The following RB1 variants were observed in gnomAD, a reference collection of about 807,000 sequenced individuals.
RB1 encodes RB transcriptional corepressor 1.
A neutral mutation model predicts 135.4 loss-of-function variants in RB1; 18 were observed. The ratio of observed to expected loss-of-function variants is 0.13; its 90% CI spans 0.09 to 0.20. RB1 has a LOEUF of 0.20. Among genes scored for constraint, RB1 ranks in the 10% least tolerant of loss-of-function variants. The pLI, the probability that RB1 is intolerant of heterozygous loss-of-function variation, is 1.00. For synonymous variants in RB1, 365 were observed against 373.2 expected (o/e 0.98, Z 0.25); for missense variants, 868 against 1,110.0 (o/e 0.78, Z 3.10).
chr13:48,342,865 A>G, intron 3 of RB1, 151 bp downstream of exon 3: 1 of 624,226 alleles, frequency 1.6e-6, no homozygotes, highest in African/African-American at 1.8e-5. Context: ...CCATTCTCTC[A>G]TGGAGCCGTT....
chr13:48,384,702 A>C (rs1347895940), intron 17 of RB1, among the ~76,000 whole-genome samples: 1 of 152,206 alleles, frequency 6.6e-6, no homozygotes. Flanking sequence ...TCTCCTGCCA[A>C]TAATTTAATG....
chr13:48,312,186 G>A (rs773325679), intron 2 of RB1, among the ~76,000 whole-genome samples: 2 of 151,980 alleles, frequency 1.3e-5, no homozygotes, highest in South Asian at 2.1e-4. Flanking sequence ...AATGTGTATC[G>A]TTTACCTTCA....
intron 17 of RB1, among the ~76,000 whole-genome samples, chr13:48,399,279 ATCT>A (rs1251090836): frequency 6.6e-6 from 1 of 152,038 alleles, no homozygotes; most frequent in Non-Finnish European, 1.5e-5. Context: ...GCCTAAAGTC[ATCT>A]TCTATACGAA....
chr13:48,306,115 A>G (rs893375280), intron 1 of RB1, among the ~76,000 whole-genome samples: 1 of 152,152 alleles, frequency 6.6e-6, no homozygotes, highest in Non-Finnish European at 1.5e-5. Flanking sequence ...TAAAAAAACA[A>G]AAAAGCTGAC....
chr13:48,415,795 A>G (rs1050972791), intron 17 of RB1: 1 of 152,208 alleles, frequency 6.6e-6, no homozygotes, highest in African/African-American at 2.4e-5. Flanking sequence ...ACTGAGGAAG[A>G]GCCATAGCAG....
intron 2 of RB1, among the ~76,000 whole-genome samples, chr13:48,322,502 A>C (rs1333355258): frequency 6.6e-6 from 1 of 152,158 alleles, no homozygotes; most frequent in Admixed American, 6.5e-5. Flanking sequence ...CTTCCTTTAA[A>C]ATCTGGATAC....
intron 6 of RB1, among the ~76,000 whole-genome samples, chr13:48,349,968 G>C (rs1176626959): frequency 6.6e-6 from 1 of 151,944 alleles, no homozygotes; most frequent in Non-Finnish European, 1.5e-5. Context: ...ATGATAAAGG[G>C]GTCAATTCAG....
At position 48,345,013 on chromosome 13, in the gene RB1, T is replaced by A. The variant is rs1952479267; in HGVS notation, c.381-67T>A. 4 of 1,522,284 alleles carry A rather than the reference T, an allele frequency of 2.6e-6. No individual in the cohort carries two copies. The South Asian group carries it at 4.6e-5, about 18-fold the overall frequency. 94.3% of individuals were successfully genotyped at this position (1,522,284 alleles called of 1,614,324 possible). On this transcript the variant is annotated intron_variant, in intron 3 of 26. Coordinates refer to ENST00000267163, the MANE Select transcript of RB1 (RefSeq NM_000321.3). ...ATCTTTTGAATTGAAATATCTATGA[T>A]TTGAAAACGAAATAACACAAATTTT...
At chr13:48,341,470 C>A (rs1952442406) in intron 2 of RB1, 1 of 151,954 alleles carries the variant, frequency 6.6e-6, no homozygotes, top group South Asian at 2.1e-4. Flanking sequence ...GCATATTTAA[C>A]TTTATAAGAA....
At position 48,316,854 on chromosome 13, in the gene RB1, G is replaced by A. The variant is rs559439952; in HGVS notation, c.264+9448G>A. ...CGGGACGCAAACCCACAACTCGAGGGCTTAGACCTTCACTGCTGAGCTGCC... is the reference window on the plus strand; with the variant it reads ...CGGGACGCAAACCCACAACTCGAGGACTTAGACCTTCACTGCTGAGCTGCC... On this transcript the variant is annotated intron_variant, in intron 2 of 26. Coordinates refer to ENST00000267163, the MANE Select transcript of RB1 (RefSeq NM_000321.3). 9.2e-4 allele frequency: 290 copies of A among 314,142 alleles called. 2 individuals carry two copies. Among genetic ancestry groups the A allele is most frequent in the South Asian group, 2.0e-3 (38 of 18,544 alleles). 19.5% of individuals were successfully genotyped at this position (314,142 alleles called of 1,614,324 possible).
At chr13:48,402,827 A>G (rs894864995) in intron 17 of RB1, among the ~76,000 whole-genome samples, 3 of 152,204 alleles carry the variant, frequency 2.0e-5, no homozygotes, top group African/African-American at 7.2e-5. Context: ...AACATAAAGT[A>G]TAGTAATTTT....
rs573409151 is a variant in RB1 at position 48,465,910 on chromosome 13, C to T, written c.2489+542C>T. Among the ~76,000 whole-genome samples, 934 of 148,508 alleles carry T rather than the reference C, an allele frequency of 6.3e-3. 12 individuals are homozygous for T. Among genetic ancestry groups the T allele is most frequent in the African/African-American group, 0.022 (889 of 40,846 alleles). On this transcript the variant is annotated intron_variant, in intron 23 of 26. Coordinates refer to ENST00000267163, the MANE Select transcript of RB1 (RefSeq NM_000321.3). ...CACACCTGGCTCAGAGGGTCCTACGCCCACGGAATCTCGCTGATTGCTAGC... is the reference window on the plus strand; with the variant it reads ...CACACCTGGCTCAGAGGGTCCTACGTCCACGGAATCTCGCTGATTGCTAGC...
At chr13:48,342,331 C>G (rs1258509639) in intron 2 of RB1, among the ~76,000 whole-genome samples, 1 of 151,594 alleles carries the variant, frequency 6.6e-6, no homozygotes, top group Non-Finnish European at 1.5e-5. Flanking sequence ...AATTGACTGA[C>G]CCCTAAAGTT....
At chr13:48,334,340 G>A (rs1952364458) in intron 2 of RB1, among the ~76,000 whole-genome samples, 1 of 152,170 alleles carries the variant, frequency 6.6e-6, no homozygotes, top group Non-Finnish European at 1.5e-5. Context: ...TATTATACAG[G>A]TGAAATTTTC....
At chr13:48,421,782 G>C (rs558868520) in intron 17 of RB1, among the ~76,000 whole-genome samples, 1 of 152,152 alleles carries the variant, frequency 6.6e-6, no homozygotes, top group Non-Finnish European at 1.5e-5. Context: ...CATCATCAGC[G>C]GTCATTAATG....
At chr13:48,414,063 T>C (rs1948865139) in intron 17 of RB1, among the ~76,000 whole-genome samples, 2 of 152,108 alleles carry the variant, frequency 1.3e-5, no homozygotes, top group South Asian at 4.1e-4. Flanking sequence ...TACTCATATT[T>C]TGGGCCAGGT....
rs182154408 is a variant in RB1 at position 48,444,234 on chromosome 13, A to G, written c.1696-8759A>G. ...CTGGAGCTGCTCACAAAACTCAAGG[A>G]TACTGGGCACGGTGGCTCAAGCCTG... is the stretch of plus-strand genomic sequence containing the variant. On this transcript the variant is annotated intron_variant, in intron 17 of 26. Coordinates refer to ENST00000267163, the MANE Select transcript of RB1 (RefSeq NM_000321.3). Among the ~76,000 whole-genome samples the G allele has an allele frequency of 2.0e-4, 30 of 152,106 alleles. No individual in the cohort carries two copies. In the East Asian group the frequency reaches 5.4e-3, roughly 27 times the overall value.
intron 17 of RB1, among the ~76,000 whole-genome samples, chr13:48,390,315 G>A (rs1364044384): frequency 6.6e-6 from 1 of 152,200 alleles, no homozygotes; most frequent in African/African-American, 2.4e-5. Context: ...GGAGGTTGTA[G>A]TCAAAGAGTT....
At chr13:48,346,957 T>G (rs971089135) in intron 4 of RB1, among the ~76,000 whole-genome samples, 2 of 140,400 alleles carry the variant, frequency 1.4e-5, no homozygotes, top group South Asian at 2.5e-4. Flanking sequence ...ATCATCAGGG[T>G]TTTTTTTTTT....
Sources: gnomAD v4.1 joint callset for allele counts (sites outside exome capture counted in the v4.1 genomes callset) on GRCh38, gnomAD v4.1.1 for gene constraint, MANE v1.5 for transcripts, NCBI Gene and HGNC (gene_info 2026-07-23, HGNC 2026-07-21) for gene names.